Variants in IL1RAPL1 observed in about 807,000 individuals in gnomAD.
IL1RAPL1 encodes the protein interleukin 1 receptor accessory protein like 1.
A neutral mutation model predicts 48.4 loss-of-function variants in IL1RAPL1; 3 were observed. That is an observed-to-expected ratio of 0.06 (90% confidence interval 0.03 to 0.16). The LOEUF (loss-of-function observed/expected upper bound fraction) is 0.16, where lower values mean the gene tolerates loss of function less well. Among genes scored for constraint, IL1RAPL1 ranks in the 10% least tolerant of loss-of-function variants. The pLI is 1.00. For missense variants in IL1RAPL1, 349 were observed against 530.6 expected (o/e 0.66, Z 3.36); for synonymous variants, 185 against 187.7 (o/e 0.99, Z 0.12).
intron 6 of IL1RAPL1, among the ~76,000 whole-genome samples, chrX:29,712,414 A>T (rs1927376389): frequency 8.9e-6 from 1 of 112,124 alleles, no homozygotes; most frequent in African/African-American, 3.2e-5. Context: ...ATTTTAAAAT[A>T]GGACAAGGAC....
chrX:29,784,376 C>T (rs1157090108), intron 6 of IL1RAPL1, among the ~76,000 whole-genome samples: 1 of 110,999 alleles, frequency 9.0e-6, no homozygotes, highest in Non-Finnish European at 1.9e-5. Context: ...CCCACTATAC[C>T]TCCCATTAGG....
intron 6 of IL1RAPL1, among the ~76,000 whole-genome samples, chrX:29,715,017 G>T (rs960170374): frequency 8.9e-6 from 1 of 112,071 alleles, no homozygotes; most frequent in African/African-American, 3.2e-5. Context: ...AATCTGATTT[G>T]ATTTTCCTCA....
chrX:29,000,932 T>G (rs1247424715), intron 2 of IL1RAPL1, among the ~76,000 whole-genome samples: 4 of 108,615 alleles, frequency 3.7e-5, no homozygotes, highest in African/African-American at 1.3e-4. Context: ...TTTCAGAGTG[T>G]GATCTTCAGG....
chrX:29,580,068 A>G (rs1340500018), intron 5 of IL1RAPL1, among the ~76,000 whole-genome samples: 2 of 110,370 alleles, frequency 1.8e-5, no homozygotes, highest in Non-Finnish European at 3.8e-5. Context: ...TCCCCAATTT[A>G]GTATTCACAA....
In IL1RAPL1 at chrX:29,053,761, G is replaced by C. The variant is rs1215200981; in HGVS notation, c.83-229177G>C. On this transcript the variant is annotated intron_variant, in intron 2 of 10. Coordinates refer to ENST00000378993, the MANE Select transcript of IL1RAPL1 (RefSeq NM_014271.4). Reference sequence around the variant, plus strand: ...ATTTTTGTATATGGTGTAAGGAAGGGGTCCAGTTTCAGTCTTCTGCATATG... The same window carrying C: ...ATTTTTGTATATGGTGTAAGGAAGGCGTCCAGTTTCAGTCTTCTGCATATG... Among the ~76,000 whole-genome samples the C allele has an allele frequency of 5.4e-5, 6 of 111,419 alleles. No individual in the cohort carries two copies. The East Asian group carries it at 1.4e-3, about 26-fold the overall frequency.
In IL1RAPL1 at chrX:28,911,761, G is replaced by A. The variant is rs868549485; in HGVS notation, c.82+122336G>A. 2.7e-4 allele frequency among the ~76,000 whole-genome samples: 30 copies of A among 109,898 alleles called. No individual in the cohort carries two copies. In the Middle Eastern group the frequency reaches 0.014, roughly 51 times the overall value. On this transcript the variant is annotated intron_variant, in intron 2 of 10. Coordinates refer to ENST00000378993, the MANE Select transcript of IL1RAPL1 (RefSeq NM_014271.4). Reference sequence around the variant, plus strand: ...ATGTCCACTCAATAAATGTTTGCTTGGATGACTAAAAAAGGAGATTTTTTA... The same window carrying A: ...ATGTCCACTCAATAAATGTTTGCTTAGATGACTAAAAAAGGAGATTTTTTA...
At chrX:29,142,720 A>C (rs1391424168) in intron 2 of IL1RAPL1, among the ~76,000 whole-genome samples, 1 of 109,087 alleles carries the variant, frequency 9.2e-6, no homozygotes, top group South Asian at 4.0e-4. Flanking sequence ...TTGGAGACAC[A>C]GTCTTGCTCT....
intron 2 of IL1RAPL1, among the ~76,000 whole-genome samples, chrX:29,230,210 T>A (rs1931163942): frequency 9.0e-6 from 1 of 110,685 alleles, no homozygotes; most frequent in South Asian, 3.8e-4. Context: ...ACACTGTAAG[T>A]CTGTATTAAA....
At chrX:29,893,559 G>T (rs1199240493) in intron 6 of IL1RAPL1, among the ~76,000 whole-genome samples, 1 of 110,853 alleles carries the variant, frequency 9.0e-6, no homozygotes, top group African/African-American at 3.3e-5. Flanking sequence ...AAGGTTACAG[G>T]TTGAATAATA....
chrX:29,426,015 G>C (rs1205211813), intron 5 of IL1RAPL1, among the ~76,000 whole-genome samples: 1 of 111,175 alleles, frequency 9.0e-6, no homozygotes, highest in African/African-American at 3.3e-5. Context: ...AGATACATTT[G>C]CATTTACTTC....
intron 2 of IL1RAPL1, among the ~76,000 whole-genome samples, chrX:29,126,826 G>A (rs1458854456): frequency 8.9e-6 from 1 of 111,829 alleles, no homozygotes; most frequent in Non-Finnish European, 1.9e-5. Context: ...GATATAGTGT[G>A]AAACTTTGAA....
chrX:29,575,521 T>C (rs1462357562), intron 5 of IL1RAPL1, among the ~76,000 whole-genome samples: 1 of 111,874 alleles, frequency 8.9e-6, no homozygotes, highest in Admixed American at 9.4e-5. Context: ...TCCCACCTTC[T>C]TCTGCCTGCT....
At chrX:28,724,167 T>G (rs1240486883) in intron 1 of IL1RAPL1, among the ~76,000 whole-genome samples, 1 of 111,622 alleles carries the variant, frequency 9.0e-6, no homozygotes, top group African/African-American at 3.3e-5. Flanking sequence ...TTCTGTCTCA[T>G]TGATCCGTCT....
chrX:28,847,898 G>C (rs1403155485), intron 2 of IL1RAPL1, among the ~76,000 whole-genome samples: 5 of 111,883 alleles, frequency 4.5e-5, no homozygotes, highest in Admixed American at 3.8e-4. Context: ...TCCATGAGGA[G>C]AGAGTTTTGT....
chrX:29,550,430 C>T (rs942292397), intron 5 of IL1RAPL1, among the ~76,000 whole-genome samples: 6 of 111,473 alleles, frequency 5.4e-5, no homozygotes, highest in Non-Finnish European at 1.1e-4. Flanking sequence ...CCGCCCGCCT[C>T]GGCCTCCCAA....
chrX:29,163,058 G>A lies in IL1RAPL1; in HGVS notation c.83-119880G>A, dbSNP rs183532650. Among the ~76,000 whole-genome samples the A allele has an allele frequency of 1.6e-4, 17 of 105,750 alleles. No individual in the cohort carries two copies. The East Asian group carries it at 5.0e-3, about 31-fold the overall frequency. 91.8% of individuals were successfully genotyped at this position (105,750 alleles called of 115,157 possible). On this transcript the variant is annotated intron_variant, in intron 2 of 10. Coordinates refer to ENST00000378993, the MANE Select transcript of IL1RAPL1 (RefSeq NM_014271.4). ...ACTGTACTGCAGCCTGGGCGACAGA[G>A]CAAGACTCCGTCTCAAAAAAAAAAA...
At chrX:29,698,619 A>G (rs191107221) in intron 6 of IL1RAPL1, among the ~76,000 whole-genome samples, 101 of 111,245 alleles carry the variant, frequency 9.1e-4, no homozygotes, top group African/African-American at 3.2e-3. Context: ...GGAAGGAAGG[A>G]AGGAAAGACA....
chrX:28,644,632 C>T (rs1019340972), intron 1 of IL1RAPL1, among the ~76,000 whole-genome samples: 9 of 111,405 alleles, frequency 8.1e-5, no homozygotes, highest in African/African-American at 2.9e-4. Context: ...TGCATAATCC[C>T]TACTAATAAG....
intron 5 of IL1RAPL1, among the ~76,000 whole-genome samples, chrX:29,533,962 C>T (rs1921130614): frequency 9.0e-6 from 1 of 111,256 alleles, no homozygotes; most frequent in African/African-American, 3.3e-5. Flanking sequence ...GCTCCACCCT[C>T]ATAAATAGAT....
Sources: gnomAD v4.1 joint callset for allele counts (sites outside exome capture counted in the v4.1 genomes callset) on GRCh38, gnomAD v4.1.1 for gene constraint, MANE v1.5 for transcripts, NCBI Gene and HGNC (gene_info 2026-07-23, HGNC 2026-07-21) for gene names.